RANBP17: variants seen among roughly 807,000 people sequenced by gnomAD.
The protein encoded by RANBP17 is RAN binding protein 17.
In RANBP17, 158 loss-of-function variants were observed where a neutral mutation model predicts 141.2. The observed-to-expected ratio is 1.12, with a 90% CI of 0.98 to 1.28. The LOEUF (loss-of-function observed/expected upper bound fraction) is 1.28. Ranked by LOEUF, RANBP17 falls within the 50% of genes most tolerant of loss-of-function variation. The pLI, the probability that RANBP17 is intolerant of heterozygous loss-of-function variation, is 0.00. For synonymous variants in RANBP17, 430 were observed against 450.0 expected (o/e 0.96, Z 0.56); for missense variants, 1,438 against 1,290.7 (o/e 1.11, Z -1.75).
At chr5:171,073,953 C>T (rs561806608) in intron 14 of RANBP17, among the ~76,000 whole-genome samples, 20 of 151,592 alleles carry the variant, frequency 1.3e-4, no homozygotes, top group African/African-American at 3.4e-4. Flanking sequence ...ATGAATTCTT[C>T]GGAGAAAACA....
chr5:171,090,330 G>A (rs896422807), intron 14 of RANBP17, among the ~76,000 whole-genome samples: 7 of 152,176 alleles, frequency 4.6e-5, no homozygotes, highest in Non-Finnish European at 1.0e-4. Context: ...CCCTGCCCTA[G>A]AGATTTGTGG....
intron 11 of RANBP17, among the ~76,000 whole-genome samples, chr5:170,919,995 A>T (rs1326772128): frequency 6.6e-6 from 1 of 152,028 alleles, no homozygotes; most frequent in African/African-American, 2.4e-5. Flanking sequence ...TTGTGTTAGT[A>T]CTTTACTTTC....
At chr5:170,987,002 C>A (rs1161776317) in intron 14 of RANBP17, among the ~76,000 whole-genome samples, 1 of 151,760 alleles carries the variant, frequency 6.6e-6, no homozygotes, top group Non-Finnish European at 1.5e-5. Flanking sequence ...TGATTACTGG[C>A]AACTTGTATG....
chr5:171,015,648 A>T (rs2127595512), intron 14 of RANBP17, among the ~76,000 whole-genome samples: 1 of 152,230 alleles, frequency 6.6e-6, no homozygotes, highest in East Asian at 1.9e-4. Context: ...GATTGCAGAC[A>T]TATTTTTTTG....
At chr5:171,098,135 C>A (rs945069222) in intron 14 of RANBP17, among the ~76,000 whole-genome samples, 10 of 152,078 alleles carry the variant, frequency 6.6e-5, no homozygotes, top group Non-Finnish European at 1.5e-4. Context: ...GATTTATAAT[C>A]CTTTGGGTAT....
At chr5:171,213,145 A>G (rs995992323) in intron 20 of RANBP17, among the ~76,000 whole-genome samples, 3 of 152,184 alleles carry the variant, frequency 2.0e-5, no homozygotes, top group Non-Finnish European at 4.4e-5. Flanking sequence ...ACTGAGAGAT[A>G]TGTGAGGTTT....
intron 14 of RANBP17, among the ~76,000 whole-genome samples, chr5:171,147,913 G>T (rs923004226): frequency 6.6e-6 from 1 of 152,210 alleles, no homozygotes; most frequent in South Asian, 2.1e-4. Context: ...TTGAGAACGG[G>T]CCATGATGAC....
chr5:171,043,245 C>A (rs1782364890), intron 14 of RANBP17, among the ~76,000 whole-genome samples: 1 of 152,030 alleles, frequency 6.6e-6, no homozygotes, highest in African/African-American at 2.4e-5. Flanking sequence ...TCCGAAGATT[C>A]CAGGAACATA....
intron 1 of RANBP17, among the ~76,000 whole-genome samples, chr5:170,876,133 C>T (rs1416703884): frequency 6.6e-6 from 1 of 152,162 alleles, no homozygotes. Context: ...TCTCTGGGAT[C>T]TCTGTCCTCG....
chr5:170,886,942 T>C (rs560810159), intron 3 of RANBP17, among the ~76,000 whole-genome samples: 1 of 152,148 alleles, frequency 6.6e-6, no homozygotes, highest in Non-Finnish European at 1.5e-5. Context: ...GGATTATAGG[T>C]GTGAGCCACC....
intron 14 of RANBP17, among the ~76,000 whole-genome samples, chr5:170,999,215 T>C (rs1224930526): frequency 6.6e-6 from 1 of 152,104 alleles, no homozygotes; most frequent in Non-Finnish European, 1.5e-5. Context: ...AAATTTTAAG[T>C]ATATTTCTAT....
chr5:170,869,444 C>T (rs1466379583), intron 1 of RANBP17, among the ~76,000 whole-genome samples: 5 of 151,942 alleles, frequency 3.3e-5, no homozygotes, highest in South Asian at 2.1e-4. Context: ...CATGTGCCAC[C>T]GTGCCTTAAT....
chr5:171,071,028 A>T (rs189005938), intron 14 of RANBP17, among the ~76,000 whole-genome samples: 1 of 152,214 alleles, frequency 6.6e-6, no homozygotes, highest in East Asian at 1.9e-4. Flanking sequence ...TCCTAGAAAT[A>T]AAATTGCTGG....
intron 14 of RANBP17, among the ~76,000 whole-genome samples, chr5:171,089,800 C>A (rs1457743655): frequency 6.6e-6 from 1 of 152,220 alleles, no homozygotes; most frequent in East Asian, 1.9e-4. Context: ...TGAGGCAATG[C>A]CTCGCCCTGC....
chr5:171,209,649 CATGT>C (rs1303698570), intron 20 of RANBP17, among the ~76,000 whole-genome samples: 6 of 152,082 alleles, frequency 3.9e-5, no homozygotes, highest in Non-Finnish European at 8.8e-5. Context: ...GCTATATGAG[CATGT>C]ATGGGAAAAA....
At chr5:170,963,837 AAC>A (rs1276266023) in intron 13 of RANBP17, among the ~76,000 whole-genome samples, 1 of 152,236 alleles carries the variant, frequency 6.6e-6, no homozygotes, top group African/African-American at 2.4e-5. Flanking sequence ...AGACAAATGA[AAC>A]ACAAAATTGT....
At chr5:170,955,610 G>T (rs1235547549) in intron 13 of RANBP17, among the ~76,000 whole-genome samples, 6 of 26,968 alleles carry the variant, frequency 2.2e-4, no homozygotes, top group South Asian at 1.3e-3. Context: ...ATATATATAT[G>T]CTCAGTGTAT....
At chr5:171,064,453 T>C (rs914031334) in intron 14 of RANBP17, among the ~76,000 whole-genome samples, 2 of 152,250 alleles carry the variant, frequency 1.3e-5, no homozygotes, top group African/African-American at 2.4e-5. Context: ...CAAGCATTTT[T>C]ATATCTCCTT....
At chr5:171,236,949 C>T (rs549179168) in intron 22 of RANBP17, among the ~76,000 whole-genome samples, 5 of 152,224 alleles carry the variant, frequency 3.3e-5, no homozygotes, top group Admixed American at 1.3e-4. Flanking sequence ...TTATGTAGTT[C>T]TCCAGCTGAG....
Sources: gnomAD v4.1 joint callset for allele counts (sites outside exome capture counted in the v4.1 genomes callset) on GRCh38, gnomAD v4.1.1 for gene constraint, MANE v1.5 for transcripts, NCBI Gene and HGNC (gene_info 2026-07-23, HGNC 2026-07-21) for gene names.